Variants in MEP1A observed in about 807,000 individuals in gnomAD.
MEP1A encodes N-benzoyl-L-tyrosyl-P-amino-benzoic acid hydrolase subunit alpha.
A neutral mutation model predicts 84.5 loss-of-function variants in MEP1A; 68 were observed. That is an observed-to-expected ratio of 0.80 (90% confidence interval 0.66 to 0.98). MEP1A has a LOEUF of 0.98. MEP1A is among the 50% of genes least tolerant of loss of function. MEP1A has a pLI of 0.00. For missense variants in MEP1A, 887 were observed against 919.9 expected, an observed-to-expected ratio of 0.96 and a Z score of 0.46; for synonymous variants, 337 against 336.8, an observed-to-expected ratio of 1.00 and a Z score of -0.01.
chr6:46,838,930 A>C, intron 13 of MEP1A, 50 bp from the exon 14 acceptor site: 1 of 1,532,978 alleles, frequency 6.5e-7, no homozygotes, highest in Non-Finnish European at 8.9e-7. Context: ...GCTAGGAGGC[A>C]CCTGAGGCCT....
intron 13 of MEP1A, among the ~76,000 whole-genome samples, chr6:46,837,190 A>G (rs1768233918): frequency 6.6e-6 from 1 of 152,230 alleles, no homozygotes; most frequent in Non-Finnish European, 1.5e-5. Flanking sequence ...AATCTCCTGT[A>G]AAGAAGAATG....
intron 6 of MEP1A, among the ~76,000 whole-genome samples, chr6:46,818,863 C>T (rs1040211280): frequency 1.3e-5 from 2 of 152,148 alleles, no homozygotes; most frequent in Non-Finnish European, 2.9e-5. Context: ...CGATGGCTCA[C>T]ACCTGTAATC....
At chr6:46,842,445 G>C (rs565112672), downstream of MEP1A, among the ~76,000 whole-genome samples, 1 of 152,278 alleles carries the variant, frequency 6.6e-6, no homozygotes, top group South Asian at 2.1e-4. Flanking sequence ...ATAAACGGCT[G>C]CTCTGGGAGT....
At position 46,798,661 on chromosome 6, in the gene MEP1A, A is replaced by G. The variant is rs1046538493; in HGVS notation, c.186+15A>G. 1.9e-6 allele frequency: 3 copies of G among 1,612,124 alleles called. No homozygotes were observed. Among genetic ancestry groups the G allele is most frequent in the South Asian group, 2.2e-5 (2 of 91,058 alleles). On this transcript the variant is annotated intron_variant, in intron 4 of 13. Transcript: ENST00000230588. ...TCCTCTTGCAGGTGAGTACCTGTCA[A>G]TGATGCAATAAGTTTCTCAGGACAG... is the stretch of plus-strand genomic sequence containing the variant.
chr6:46,807,775 GAAA>G (rs1767384227), intron 5 of MEP1A, among the ~76,000 whole-genome samples: 1 of 44,930 alleles, frequency 2.2e-5, no homozygotes, highest in African/African-American at 7.0e-5. Context: ...AGAAAGGAAA[GAAA>G]GAAAGAAAGA....
rs769922223 is a variant in MEP1A at position 46,839,207 on chromosome 6, T to C, written c.*71T>C. ...CAGGCCTTAACTTTCCCATGGTCAA[T>C]GCAGTTTTTATCAGCCTTGCTTTGG... On this transcript the variant is annotated 3_prime_UTR_variant, in exon 14 of 14. Transcript: ENST00000230588. 136 of 1,013,368 alleles carry C rather than the reference T, an allele frequency of 1.3e-4. No individual in the cohort carries two copies. Among genetic ancestry groups the C allele is most frequent in the South Asian group, 3.6e-4 (19 of 52,648 alleles). 62.8% of individuals were successfully genotyped at this position (1,013,368 alleles called of 1,614,324 possible).
At chr6:46,845,601 C>T in the MEP1A span, among the ~76,000 whole-genome samples, 1 of 152,178 alleles carries the variant, frequency 6.6e-6, no homozygotes, top group Non-Finnish European at 1.5e-5. Context: ...TACACATGAA[C>T]ATTTGGAGAA....
In MEP1A at chr6:46,833,492, G is replaced by A. The variant is rs1218572186; in HGVS notation, c.1563G>A (p.Met521Ile). ...AGGAGCCTGATGTCCGGAACAGGAT[G>A]TCCTCAAGCATGGTGTTCACTACCT... ...LDQEPDVRNRMSSSMVFTTSK... is the reference protein window; with the variant it reads ...LDQEPDVRNRISSSMVFTTSK... The change falls in exon 11 of 14, where the codon ATG becomes ATA. Residue 521 changes from methionine (M) to isoleucine (I), a missense_variant. By Grantham distance (10) the Met-to-Ile change is conservative. Coordinates refer to ENST00000230588, the MANE Select transcript of MEP1A (RefSeq NM_005588.3). 21 of 1,614,044 alleles carry A rather than the reference G, an allele frequency of 1.3e-5. No homozygotes were observed. Among genetic ancestry groups the A allele is most frequent in the Non-Finnish European group, 1.4e-5 (17 of 1,180,044 alleles).
At chr6:46,795,239 C>A (rs113120568) in intron 3 of MEP1A, among the ~76,000 whole-genome samples, 1 of 152,178 alleles carries the variant, frequency 6.6e-6, no homozygotes, top group Middle Eastern at 3.2e-3. Context: ...TCTCTCACAC[C>A]TGACACACAA....
downstream of MEP1A, among the ~76,000 whole-genome samples, chr6:46,842,469 A>C (rs2094627): frequency 1.6e-4 from 25 of 152,032 alleles, no homozygotes; most frequent in African/African-American, 5.3e-4. Flanking sequence ...TGTCTTATGC[A>C]GTTGAGATAA....
chr6:46,824,456 C>T (rs1278676714), intron 7 of MEP1A, among the ~76,000 whole-genome samples: 1 of 143,940 alleles, frequency 6.9e-6, no homozygotes, highest in South Asian at 2.2e-4. Context: ...AGTAATTTTA[C>T]ATTATATTGC....
chr6:46,819,406 G>A, intron 6 of MEP1A, 123 bp from the exon 7 acceptor site: 1 of 739,752 alleles, frequency 1.4e-6, no homozygotes, highest in Non-Finnish European at 2.2e-6. Flanking sequence ...ATATGAGAAT[G>A]CTGTTGGTAA....
intron 7 of MEP1A, among the ~76,000 whole-genome samples, chr6:46,823,400 T>A (rs1767827927): frequency 6.6e-6 from 1 of 152,152 alleles, no homozygotes; most frequent in Non-Finnish European, 1.5e-5. Context: ...TCACCTGAGG[T>A]CAGGGGTTTG....
chr6:46,825,498 G>A lies in MEP1A; in HGVS notation c.778+5G>A. 2 of 1,593,564 alleles carry A rather than the reference G, an allele frequency of 1.3e-6. No individual in the cohort carries two copies. On this transcript the variant is annotated splice_donor_5th_base_variant and intron_variant, in intron 8 of 13. Coordinates refer to ENST00000230588, the MANE Select transcript of MEP1A (RefSeq NM_005588.3). ...TGAACCGAATGTACAATTGCAGTGA[G>A]TATCTCAGTTTCTGAGAACTTGGTA...
intron 5 of MEP1A, among the ~76,000 whole-genome samples, chr6:46,804,676 T>C (rs1241110649): frequency 1.3e-5 from 2 of 151,682 alleles, no homozygotes; most frequent in African/African-American, 4.8e-5. Context: ...GATGTACAAT[T>C]CAATGAGTTC....
At chr6:46,821,054 C>G (rs183418002) in intron 7 of MEP1A, among the ~76,000 whole-genome samples, 31 of 151,924 alleles carry the variant, frequency 2.0e-4, no homozygotes, top group African/African-American at 7.5e-4. Flanking sequence ...ACTGACCAAG[C>G]TTTATAATTA....
intron 7 of MEP1A, among the ~76,000 whole-genome samples, chr6:46,823,945 T>C (rs1767840213): frequency 6.6e-6 from 1 of 152,182 alleles, no homozygotes; most frequent in Admixed American, 6.5e-5. Context: ...CTTCTTCCTA[T>C]TTTATTTTTG....
chr6:46,793,524 C>T (rs747902979), intron 1 of MEP1A, 28 bp from the exon 2 acceptor site: 2 of 1,569,700 alleles, frequency 1.3e-6, no homozygotes, highest in East Asian at 2.2e-5. Flanking sequence ...TATACATTAT[C>T]CATTTTCTGT....
rs1230366541 is a variant in MEP1A at position 46,797,133 on chromosome 6, A to G, written c.146-1473A>G. 3.9e-5 allele frequency among the ~76,000 whole-genome samples: 6 copies of G among 152,264 alleles called. No homozygotes were observed. The South Asian group carries it at 6.2e-4, about 16-fold the overall frequency. ...ATACCTAACACCTCCTTGGTGTCCTATGCATAAACGGAGCTGGTTCCTGAA... is the reference window on the plus strand; with the variant it reads ...ATACCTAACACCTCCTTGGTGTCCTGTGCATAAACGGAGCTGGTTCCTGAA... On this transcript the variant is annotated intron_variant, in intron 3 of 13. Transcript: ENST00000230588.
Sources: allele counts gnomAD v4.1 joint callset (sites outside exome capture counted in the v4.1 genomes callset), GRCh38; gene constraint gnomAD v4.1.1; transcripts MANE v1.5; gene names NCBI Gene and HGNC (gene_info 2026-07-23, HGNC 2026-07-21).